B3GALT1: variants seen among roughly 807,000 people sequenced by gnomAD.
B3GALT1 encodes beta-1,3-galactosyltransferase 1.
Under a neutral mutation model 23.2 loss-of-function variants are expected in B3GALT1, and 10 were observed. That is an observed-to-expected ratio of 0.43 (90% confidence interval 0.27 to 0.73). B3GALT1 has a LOEUF of 0.73. B3GALT1 is among the 30% of genes least tolerant of loss of function. The probability of loss-of-function intolerance (pLI) is 0.21; values close to 1 mark genes in which losing one functional copy is unlikely to be tolerated. For synonymous variants in B3GALT1, 156 were observed against 141.5 expected, an observed-to-expected ratio of 1.10 and a Z score of -0.73; for missense variants, 299 against 405.4, an observed-to-expected ratio of 0.74 and a Z score of 2.25.
chr2:167,823,624 AT>A (rs1689154090), intron 4 of B3GALT1, among the ~76,000 whole-genome samples: 1 of 152,208 alleles, frequency 6.6e-6, no homozygotes, highest in Non-Finnish European at 1.5e-5. Flanking sequence ...AATATTCATT[AT>A]TTCATTCAAC....
At chr2:167,295,850 G>T (rs1696343033) in intron 1 of B3GALT1, among the ~76,000 whole-genome samples, 1 of 151,722 alleles carries the variant, frequency 6.6e-6, no homozygotes, top group Non-Finnish European at 1.5e-5. Flanking sequence ...ATTTTAAAAC[G>T]AGTAGGACAA....
intron 3 of B3GALT1, among the ~76,000 whole-genome samples, chr2:167,793,774 A>C (rs1195502205): frequency 6.6e-6 from 1 of 152,190 alleles, no homozygotes; most frequent in Non-Finnish European, 1.5e-5. Context: ...TCTAGTCCCA[A>C]ATACTTAGCA....
chr2:167,614,921 GT>G (rs1487172381), intron 2 of B3GALT1, among the ~76,000 whole-genome samples: 17 of 151,930 alleles, frequency 1.1e-4, no homozygotes, highest in Admixed American at 9.9e-4. Flanking sequence ...TTACTCATAG[GT>G]TACTCTTAAA....
chr2:167,341,491 G>C (rs891109104), intron 1 of B3GALT1, among the ~76,000 whole-genome samples: 2 of 152,120 alleles, frequency 1.3e-5, no homozygotes, highest in Admixed American at 6.5e-5. Context: ...GCGAAACCCT[G>C]TCTCTACAAA....
intron 1 of B3GALT1, among the ~76,000 whole-genome samples, chr2:167,299,181 G>T (rs2105478373): frequency 6.6e-6 from 1 of 152,240 alleles, no homozygotes; most frequent in South Asian, 2.1e-4. Flanking sequence ...ATGACATCAG[G>T]GCTGAATCAA....
intron 2 of B3GALT1, among the ~76,000 whole-genome samples, chr2:167,558,980 G>A (rs1405308917): frequency 6.6e-6 from 1 of 152,238 alleles, no homozygotes; most frequent in South Asian, 2.1e-4. Flanking sequence ...CGCAGCTGGA[G>A]ATCTGAGAAC....
rs555018589 is a variant in B3GALT1 at position 167,582,406 on chromosome 2, C to A, written c.-409-64503C>A. Among the ~76,000 whole-genome samples the A allele has an allele frequency of 1.7e-3, 264 of 152,284 alleles. 1 individual carries two copies. Among genetic ancestry groups the A allele is most frequent in the Non-Finnish European group, 2.8e-3 (193 of 68,022 alleles). On this transcript the variant is annotated intron_variant, in intron 2 of 4. Coordinates refer to ENST00000392690, the MANE Select transcript of B3GALT1 (RefSeq NM_020981.4). Reference sequence around the variant, plus strand: ...TGCAGTGGCATCATAAGTTTACTCACACTGTACTCAGATATGCCAAGAAAA... The same window carrying A: ...TGCAGTGGCATCATAAGTTTACTCAAACTGTACTCAGATATGCCAAGAAAA...
intron 4 of B3GALT1, among the ~76,000 whole-genome samples, chr2:167,826,528 A>C (rs1018522330): frequency 7.2e-5 from 11 of 152,124 alleles, no homozygotes; most frequent in African/African-American, 2.2e-4. Flanking sequence ...GAAGAAACTC[A>C]AGAACTGATT....
At chr2:167,444,556 G>A (rs530747946) in intron 1 of B3GALT1, among the ~76,000 whole-genome samples, 1 of 152,152 alleles carries the variant, frequency 6.6e-6, no homozygotes, top group African/African-American at 2.4e-5. Flanking sequence ...CCTGTTATTG[G>A]TCTATTCAGA....
chr2:167,631,731 T>TC (rs1183683760), intron 2 of B3GALT1, among the ~76,000 whole-genome samples: 1 of 145,338 alleles, frequency 6.9e-6, no homozygotes, highest in African/African-American at 2.8e-5. Context: ...TAGCTTTCTT[T>TC]CCTCTCTCTC....
At chr2:167,748,667 C>T (rs1418568046) in intron 3 of B3GALT1, among the ~76,000 whole-genome samples, 1 of 152,122 alleles carries the variant, frequency 6.6e-6, no homozygotes, top group African/African-American at 2.4e-5. Flanking sequence ...TAGAAGAAGC[C>T]AGAGGCAGGT....
chr2:167,416,584 G>A (rs1313596740), intron 1 of B3GALT1, among the ~76,000 whole-genome samples: 1 of 152,136 alleles, frequency 6.6e-6, no homozygotes, highest in Admixed American at 6.5e-5. Context: ...TCTCCACTAG[G>A]GCAATGCTGA....
chr2:167,386,918 C>G (rs149357678), intron 1 of B3GALT1, among the ~76,000 whole-genome samples: 2 of 152,174 alleles, frequency 1.3e-5, no homozygotes, highest in African/African-American at 2.4e-5. Flanking sequence ...GTCGAAGCTG[C>G]GTTAACTGTC....
At chr2:167,326,957 T>C (rs1372419078) in intron 1 of B3GALT1, among the ~76,000 whole-genome samples, 1 of 152,104 alleles carries the variant, frequency 6.6e-6, no homozygotes, top group African/African-American at 2.4e-5. Context: ...CCCAAAGTGC[T>C]GGGGTTACAG....
At chr2:167,707,453 C>A (rs924983822) in intron 3 of B3GALT1, among the ~76,000 whole-genome samples, 11 of 151,980 alleles carry the variant, frequency 7.2e-5, no homozygotes, top group Admixed American at 2.6e-4. Context: ...AGGTCAAGAT[C>A]TTGGCAGGTT....
chr2:167,461,648 A>C (rs539427174), intron 1 of B3GALT1, among the ~76,000 whole-genome samples: 34 of 152,300 alleles, frequency 2.2e-4, no homozygotes, highest in African/African-American at 8.2e-4. Flanking sequence ...TTTCAAAAGC[A>C]TTATGTTTAG....
At chr2:167,548,772 C>G (rs1480457418) in intron 2 of B3GALT1, among the ~76,000 whole-genome samples, 1 of 151,814 alleles carries the variant, frequency 6.6e-6, no homozygotes, top group African/African-American at 2.4e-5. Flanking sequence ...AATTAGATTA[C>G]TCTTATTTGG....
chr2:167,418,964 C>G (rs1180623551), intron 1 of B3GALT1, among the ~76,000 whole-genome samples: 1 of 152,200 alleles, frequency 6.6e-6, no homozygotes, highest in African/African-American at 2.4e-5. Flanking sequence ...AGCACAGACA[C>G]CACTTAGCCC....
chr2:167,756,057 A>G (rs892959885), intron 3 of B3GALT1, among the ~76,000 whole-genome samples: 9 of 152,146 alleles, frequency 5.9e-5, no homozygotes, highest in Non-Finnish European at 1.3e-4. Context: ...GTGTAGCATA[A>G]TGTTAGAACT....
Sources: gnomAD v4.1 joint callset for allele counts (sites outside exome capture counted in the v4.1 genomes callset) on GRCh38, gnomAD v4.1.1 for gene constraint, MANE v1.5 for transcripts, NCBI Gene and HGNC (gene_info 2026-07-23, HGNC 2026-07-21) for gene names.